Variants in MEGF9 observed in about 807,000 individuals in gnomAD.
MEGF9 encodes multiple EGF like domains 9, also known as multiple epidermal growth factor-like domains protein 9.
Under a neutral mutation model 46.8 loss-of-function variants are expected in MEGF9, and 6 were observed. The ratio of observed to expected loss-of-function variants is 0.13; its 90% confidence interval spans 0.07 to 0.25. MEGF9 has a LOEUF of 0.25. Among genes scored for constraint, MEGF9 ranks in the 10% least tolerant of loss-of-function variants. The probability of loss-of-function intolerance (pLI) is 1.00; values close to 1 mark genes in which losing one functional copy is unlikely to be tolerated. For synonymous variants in MEGF9, 302 were observed against 330.7 expected (o/e 0.91, Z 0.94); for missense variants, 683 against 792.4 (o/e 0.86, Z 1.66).
rs200488665 is a variant in MEGF9, at chr9:120,700,633, T to TC, written c.601+13124dup. Among the ~76,000 whole-genome samples the TC allele has an allele frequency of 9.6e-4, 146 of 151,600 alleles. 1 individual carries two copies. The highest frequency in any genetic ancestry group is 3.6e-3 in the South Asian group (17 of 4,788). On this transcript the variant is annotated intron_variant, in intron 1 of 5. Coordinates refer to ENST00000373930, the MANE Select transcript of MEGF9 (RefSeq NM_001080497.3). The stretch of plus-strand genomic sequence containing the variant: ...ATAAATATATTGGAATGCAAGTCCT[T>TC]CCCCCCCCGTTATTTCCAATAACCC...
chr9:120,662,986 A>G (rs1243474505), intron 1 of MEGF9, among the ~76,000 whole-genome samples: 1 of 152,226 alleles, frequency 6.6e-6, no homozygotes, highest in Non-Finnish European at 1.5e-5. Context: ...AGAAGGATTT[A>G]GGATGTGGCT....
At chr9:120,627,021 G>A (rs1587977424) in intron 2 of MEGF9, among the ~76,000 whole-genome samples, 1 of 152,054 alleles carries the variant, frequency 6.6e-6, no homozygotes, top group Admixed American at 6.6e-5. Context: ...GGAAGACTAA[G>A]TTACTTACTT....
At chr9:120,639,870 G>C (rs1443731613) in intron 2 of MEGF9, among the ~76,000 whole-genome samples, 1 of 152,092 alleles carries the variant, frequency 6.6e-6, no homozygotes, top group Non-Finnish European at 1.5e-5. Context: ...TAAGTGAAAG[G>C]TTCAAACTCA....
chr9:120,710,963 C>A (rs1352031534), intron 1 of MEGF9, among the ~76,000 whole-genome samples: 1 of 152,130 alleles, frequency 6.6e-6, no homozygotes, highest in African/African-American at 2.4e-5. Flanking sequence ...GGAAAGTTAT[C>A]GAAATTGGAC....
At position 120,714,168 on chromosome 9, in the gene MEGF9, C is replaced by T. The variant is rs980217805; in HGVS notation, c.191G>A (p.Ser64Asn). ...AGCCGTCGCCCTAGGGAAGGGGTGG[C>T]TGGGCTCGCCCCGCAACCCGGGGCC... ...SPGPGLRGEP[S>N]HPFPRATAPT... is the part of the protein sequence containing the mutation. Residue 64 changes from serine (S) to asparagine (N), a missense_variant, in exon 1 of 6, where the codon AGC becomes AAC. Coordinates refer to ENST00000373930, the MANE Select transcript of MEGF9 (RefSeq NM_001080497.3). The T allele has an allele frequency of 4.1e-5, 51 of 1,235,612 alleles. No individual in the cohort carries two copies. The highest frequency in any genetic ancestry group is 3.4e-4 in the Admixed American group (8 of 23,670). 76.5% of individuals were successfully genotyped at this position (1,235,612 alleles called of 1,614,324 possible). A position where few individuals can be genotyped will look rare whatever the true frequency, so the allele number is the denominator to read the frequency against.
At position 120,644,071 on chromosome 9, in the gene MEGF9, A is replaced by G. The variant is rs141580651; in HGVS notation, c.803+15303T>C. On this transcript the variant is annotated intron_variant, in intron 2 of 5. Transcript: ENST00000373930. ...ATTTATCAAAAAGGAGAAATTAACA[A>G]TGGCACAATACTATTAACTACTCAG... Among the ~76,000 whole-genome samples the G allele has an allele frequency of 2.1e-3, 320 of 152,320 alleles. 1 individual carries two copies. Among genetic ancestry groups the G allele is most frequent in the African/African-American group, 7.2e-3 (301 of 41,566 alleles).
Position 120,603,545 on chromosome 9 carries a change from C to T in MEGF9, c.*1645G>A, listed in dbSNP as rs568171303. 1 of 152,218 alleles carries T rather than the reference C, an allele frequency of 6.6e-6. No homozygotes were observed. Among genetic ancestry groups the T allele is most frequent in the South Asian group, 2.1e-4 (1 of 4,820 alleles). The allele number at this position is 152,218 out of a possible 1,614,324, so 9.4% of individuals were successfully genotyped here. A position where few individuals can be genotyped will look rare whatever the true frequency, so the allele number is the denominator to read the frequency against. ...TAGGGAAGTTAGGCAAAGGGGTCAG[C>T]TTGAATTTCCTAGGTCTAATCTAAT... On this transcript the variant is annotated 3_prime_UTR_variant, in exon 6 of 6. Transcript: ENST00000373930.
intron 1 of MEGF9, among the ~76,000 whole-genome samples, chr9:120,689,434 CAA>C (rs1185535915): frequency 6.6e-6 from 1 of 151,504 alleles, no homozygotes; most frequent in Non-Finnish European, 1.5e-5. Context: ...GAATTTTATA[CAA>C]GAGAGGAAGA....
intron 3 of MEGF9, among the ~76,000 whole-genome samples, chr9:120,621,852 T>C (rs2043500718): frequency 6.6e-6 from 1 of 152,186 alleles, no homozygotes; most frequent in African/African-American, 2.4e-5. Context: ...ACTGTAATTT[T>C]AGTATGAGTT....
intron 4 of MEGF9, among the ~76,000 whole-genome samples, chr9:120,608,773 T>A (rs549844960): frequency 6.6e-6 from 1 of 152,336 alleles, no homozygotes; most frequent in East Asian, 1.9e-4. Flanking sequence ...TACCAACATC[T>A]ACCCACTTGC....
At chr9:120,662,734 T>G (rs147285576) in intron 1 of MEGF9, among the ~76,000 whole-genome samples, 2 of 152,324 alleles carry the variant, frequency 1.3e-5, no homozygotes, top group African/African-American at 4.8e-5. Context: ...AAATAATAAA[T>G]GCAATTCAGA....
intron 1 of MEGF9, among the ~76,000 whole-genome samples, chr9:120,709,336 C>T (rs1254260258): frequency 6.6e-6 from 1 of 151,952 alleles, no homozygotes; most frequent in Non-Finnish European, 1.5e-5. Context: ...TTGCCTGAAA[C>T]CACGAGGCGG....
At chr9:120,687,358 G>A (rs1348207947) in intron 1 of MEGF9, among the ~76,000 whole-genome samples, 1 of 152,098 alleles carries the variant, frequency 6.6e-6, no homozygotes, top group Non-Finnish European at 1.5e-5. Context: ...GTATCATAAG[G>A]TACTCAGGTG....
At chr9:120,651,497 A>G (rs2043649255) in intron 2 of MEGF9, among the ~76,000 whole-genome samples, 1 of 152,150 alleles carries the variant, frequency 6.6e-6, no homozygotes, top group Admixed American at 6.5e-5. Flanking sequence ...TCCTGTACAA[A>G]TGAGAATAAT....
chr9:120,622,828 GGAAA>G (rs1164930320), intron 2 of MEGF9, 73 bp from the exon 3 acceptor site: 7 of 1,498,144 alleles, frequency 4.7e-6, no homozygotes, highest in African/African-American at 4.2e-5. Flanking sequence ...ACCCCAGAAG[GGAAA>G]GAAAGCCCAG....
At chr9:120,641,517 T>G (rs763303817) in intron 2 of MEGF9, among the ~76,000 whole-genome samples, 20 of 152,322 alleles carry the variant, frequency 1.3e-4, no homozygotes, top group Admixed American at 2.0e-4. Flanking sequence ...TCTGCATAAG[T>G]TGACCTTAGG....
intron 1 of MEGF9, among the ~76,000 whole-genome samples, chr9:120,710,183 C>CTTTG (rs2043946902): frequency 6.6e-6 from 1 of 151,934 alleles, no homozygotes; most frequent in African/African-American, 2.4e-5. Context: ...AATTACAGTA[C>CTTTG]TTTGGGAGGC....
intron 2 of MEGF9, among the ~76,000 whole-genome samples, chr9:120,658,609 TGGGTTATAC>T (rs1333242518): frequency 6.6e-6 from 1 of 152,220 alleles, no homozygotes; most frequent in African/African-American, 2.4e-5. Context: ...CAGCAGATCT[TGGGTTATAC>T]CCAGGTTACA....
At chr9:120,711,774 T>C (rs1206450746) in intron 1 of MEGF9, among the ~76,000 whole-genome samples, 1 of 151,708 alleles carries the variant, frequency 6.6e-6, no homozygotes, top group Admixed American at 6.6e-5. Context: ...CTATTATATT[T>C]TACTAAAACA....
Sources: gnomAD v4.1 joint callset for allele counts (sites outside exome capture counted in the v4.1 genomes callset) on GRCh38, gnomAD v4.1.1 for gene constraint, MANE v1.5 for transcripts, NCBI Gene and HGNC (gene_info 2026-07-23, HGNC 2026-07-21) for gene names.